The following CAMKK1 variants were observed in gnomAD, a reference collection of about 807,000 sequenced individuals.
CAMKK1 encodes the protein calcium/calmodulin-dependent protein kinase kinase 1.
In CAMKK1, 20 loss-of-function variants were observed where a neutral mutation model predicts 63.5. That is an observed-to-expected ratio of 0.32 (90% CI 0.22 to 0.46). The LOEUF is 0.46. Among genes scored for constraint, CAMKK1 ranks in the 20% least tolerant of loss-of-function variants. The probability of loss-of-function intolerance (pLI) is 1.00; values close to 1 mark genes in which losing one functional copy is unlikely to be tolerated. For synonymous variants in CAMKK1, 253 were observed against 269.0 expected (o/e 0.94, Z 0.58); for missense variants, 588 against 658.1 (o/e 0.89, Z 1.17).
intron 1 of CAMKK1, 60 bp from the exon 2 acceptor site, chr17:3,885,790 G>T (rs878918310): frequency 1.6e-5 from 25 of 1,533,174 alleles, no homozygotes; most frequent in Non-Finnish European, 1.8e-6. Context: ...ACCAGGTAAG[G>T]TAGCCACAGC....
At position 3,882,488 on chromosome 17, in the gene CAMKK1, C is replaced by A; in HGVS notation, c.685+40G>T. 1.2e-6 allele frequency: 2 copies of A among 1,600,246 alleles called. No individual in the cohort carries two copies. The highest frequency in any genetic ancestry group is 2.2e-5 in the South Asian group (2 of 89,648). ...TGTCCCAAGGGAGCCCTTGGGCCAG[C>A]CCTGAGTGAGCTGCTGTGGGAATGA... is the stretch of plus-strand genomic sequence containing the variant. On this transcript the variant is annotated intron_variant, in intron 7 of 15. Coordinates refer to ENST00000348335, the MANE Select transcript of CAMKK1 (RefSeq NM_032294.3). The surrounding 1 kb of genome is among the most constrained non-coding windows in gnomAD (Gnocchi z 4.3).
intron 13 of CAMKK1, 58 bp downstream of exon 13, chr17:3,869,743 G>T: frequency 6.2e-7 from 1 of 1,603,372 alleles, no homozygotes; most frequent in African/African-American, 1.3e-5. Flanking sequence ...CTCCAGAAAG[G>T]GAAAGTGACT....
rs548960205 is a variant in CAMKK1 at position 3,885,558 on chromosome 17, G to A, written c.130C>T (p.Pro44Ser). 1 of 1,613,896 alleles carries A rather than the reference G, an allele frequency of 6.2e-7. No homozygotes were observed. The highest frequency in any genetic ancestry group is 1.3e-5 in the African/African-American group (1 of 74,936). ...GPEPTRNGVD[P>S]PPRARAASVI... The stretch of plus-strand genomic sequence containing the variant: ...GAGGCAGCTCTGGCCCGTGGTGGGG[G>A]GTCCACACCGTTTCTAGTAGGCTCT... The change falls in exon 2 of 16, where the codon CCC (proline) becomes TCC (serine). Residue 44 changes from proline to serine, a missense_variant. Around this residue, in one of 3 missense-constraint regions of CAMKK1, gnomAD observed 357 missense variants for 407.4 expected, o/e 0.88. Transcript: ENST00000348335.
rs1226694627 is a variant in CAMKK1, at chr17:3,884,603, G to A, written c.361-176C>T. Among the ~76,000 whole-genome samples the A allele has an allele frequency of 1.3e-5, 2 of 152,238 alleles. No homozygotes were observed. The highest frequency in any genetic ancestry group is 4.8e-5 in the African/African-American group (2 of 41,454). On this transcript the variant is annotated intron_variant, in intron 2 of 15. Coordinates refer to ENST00000348335, the MANE Select transcript of CAMKK1 (RefSeq NM_032294.3). This position sits in a 1 kb window ranked among gnomAD's most constrained non-coding sequence, Gnocchi z 4.5. Reference sequence around the variant, plus strand: ...TGGTGGTGCCATCGCCCCCGTATGTGACGAGAAGACGTGGCTCATGTTTGA... The same window carrying A: ...TGGTGGTGCCATCGCCCCCGTATGTAACGAGAAGACGTGGCTCATGTTTGA...
chr17:3,887,948 G>A lies in CAMKK1; in HGVS notation c.-43-2218C>T, dbSNP rs2055728564. ...TGAGATTAGGACGCTCATCTGCCTT[G>A]TCTCCAAAAGATCATCAGTGCCTGG... On this transcript the variant is annotated intron_variant, in intron 1 of 15. Transcript: ENST00000348335. This position sits in a 1 kb window ranked among gnomAD's most constrained non-coding sequence, Gnocchi z 6.1. Among the ~76,000 whole-genome samples, 2 of 152,082 alleles carry A rather than the reference G, an allele frequency of 1.3e-5. No individual in the cohort carries two copies. The highest frequency in any genetic ancestry group is 4.1e-4 in the South Asian group (2 of 4,822).
chr17:3,876,564 G>A (rs1363211907), intron 9 of CAMKK1, 142 bp from the exon 10 acceptor site: 2 of 678,330 alleles, frequency 2.9e-6, no homozygotes, highest in African/African-American at 3.6e-5. Flanking sequence ...CTGGGAGGAG[G>A]ACGTCAGGGC....
In CAMKK1 at chr17:3,892,614, G is replaced by A. The variant is rs1321834098; in HGVS notation, c.-44+325C>T. Among the ~76,000 whole-genome samples the A allele has an allele frequency of 2.3e-4, 35 of 152,208 alleles. No homozygotes were observed. Among genetic ancestry groups the A allele is most frequent in the Admixed American group, 2.3e-3 (35 of 15,290 alleles). ...GCCGGGCCCACTCCGCACAGACGTG[G>A]CCTCCACCAGGAGCCGGGCGCGGGG... On this transcript the variant is annotated intron_variant, in intron 1 of 15. Coordinates refer to ENST00000348335, the MANE Select transcript of CAMKK1 (RefSeq NM_032294.3). The surrounding 1 kb of genome is among the most constrained non-coding windows in gnomAD (Gnocchi z 7.5).
chr17:3,891,106 G>C (rs986320703), intron 1 of CAMKK1, among the ~76,000 whole-genome samples: 6 of 132,282 alleles, frequency 4.5e-5, no homozygotes. Context: ...CTGGGGGCAA[G>C]GTTGGGGGGG....
At chr17:3,868,071 A>T (rs62070445) in intron 14 of CAMKK1, among the ~76,000 whole-genome samples, 43 of 8,984 alleles carry the variant, frequency 4.8e-3, no homozygotes, top group African/African-American at 0.019. Context: ...AAGCAGGCGC[A>T]GTCTAACTGA....
In CAMKK1 at chr17:3,863,634, C is replaced by T. The variant is rs189617083; in HGVS notation, c.1446-1351G>A. On this transcript the variant is annotated intron_variant, in intron 15 of 15. Coordinates refer to ENST00000348335, the MANE Select transcript of CAMKK1 (RefSeq NM_032294.3). ...CATGCCTGTAATCACCTGGCACTTT[C>T]GGAGGCCAAGGTGGGCAAATGGCTT... 1.1e-4 allele frequency among the ~76,000 whole-genome samples: 17 copies of T among 152,000 alleles called. 1 individual carries two copies. The Middle Eastern group carries it at 0.01, about 92-fold the overall frequency.
chr17:3,882,685 G>C lies in CAMKK1; in HGVS notation c.649-121C>G. On this transcript the variant is annotated intron_variant, in intron 6 of 15. Transcript: ENST00000348335. This position sits in a 1 kb window ranked among gnomAD's most constrained non-coding sequence, Gnocchi z 4.3. Reference sequence around the variant, plus strand: ...TATGCATGCAACCACCCCAGACAAGGAAGCAGGAAGTGTACAGGTGGTGCC... The same window carrying C: ...TATGCATGCAACCACCCCAGACAAGCAAGCAGGAAGTGTACAGGTGGTGCC... 1.0e-6 allele frequency: 1 copy of C among 957,278 alleles called. No individual in the cohort carries two copies. The highest frequency in any genetic ancestry group is 1.6e-6 in the Non-Finnish European group (1 of 618,248). The allele number at this position is 957,278 out of a possible 1,614,324, so 59.3% of individuals were successfully genotyped here. A position where few individuals can be genotyped will look rare whatever the true frequency, so the allele number is the denominator to read the frequency against.
rs186930574 is a variant in CAMKK1, at chr17:3,886,418, G to T, written c.-43-688C>A. The stretch of plus-strand genomic sequence containing the variant: ...AGGCCGAGGCAGGTGGATCACCTGA[G>T]GTCAGAAGTTCGAGACTAGCCTGGC... On this transcript the variant is annotated intron_variant, in intron 1 of 15. Transcript: ENST00000348335. Among the ~76,000 whole-genome samples the T allele has an allele frequency of 1.5e-3, 231 of 152,292 alleles. 1 individual carries two copies. Among genetic ancestry groups the T allele is most frequent in the African/African-American group, 5.1e-3 (212 of 41,548 alleles).
intron 14 of CAMKK1, among the ~76,000 whole-genome samples, chr17:3,866,626 C>T (rs1425370317): frequency 3.3e-5 from 5 of 152,264 alleles, no homozygotes; most frequent in Non-Finnish European, 5.9e-5. Flanking sequence ...TCCATCCATC[C>T]CGTCAACACT....
rs2054740863 is a variant in CAMKK1, at chr17:3,869,489, C to T, written c.1339G>A (p.Val447Met). The change falls in exon 14 of 16, where the codon GTG becomes ATG. Residue 447 changes from valine (V) to methionine (M), a missense_variant and splice_region_variant. Physicochemically the swap from Val to Met is conservative, Grantham distance 21 (BLOSUM62 1). This residue lies in a region of CAMKK1 where 226 missense variants were observed against 229.2 expected (regional missense o/e 0.99). Coordinates refer to ENST00000348335, the MANE Select transcript of CAMKK1 (RefSeq NM_032294.3). ...AGCATCTACCCCGGCTCTCTTACCACCGTGGTCCAGCTGGGGATGAGCCTG... is the reference window on the plus strand; with the variant it reads ...AGCATCTACCCCGGCTCTCTTACCATCGTGGTCCAGCTGGGGATGAGCCTG... ...SVRLIPSWTT[V>M]ILVKSMLRKR... 1.9e-6 allele frequency: 3 copies of T among 1,614,194 alleles called. No homozygotes were observed. Among genetic ancestry groups the T allele is most frequent in the African/African-American group, 2.7e-5 (2 of 75,060 alleles).
In CAMKK1 at chr17:3,883,943, G is replaced by C. The variant is rs767523549; in HGVS notation, c.409-6C>G. 6.2e-7 allele frequency: 1 copy of C among 1,613,338 alleles called. No homozygotes were observed. The highest frequency in any genetic ancestry group is 8.5e-7 in the Non-Finnish European group (1 of 1,179,924). On this transcript the variant is annotated splice_polypyrimidine_tract_variant and splice_region_variant and intron_variant, in intron 3 of 15. Coordinates refer to ENST00000348335, the MANE Select transcript of CAMKK1 (RefSeq NM_032294.3). This position sits in a 1 kb window ranked among gnomAD's most constrained non-coding sequence, Gnocchi z 4.7. Reference sequence around the variant, plus strand: ...CTCACCACACCGTAGGCACCCTGCAGATAGGCATCAGTCAGCCCCACCTGG... The same window carrying C: ...CTCACCACACCGTAGGCACCCTGCACATAGGCATCAGTCAGCCCCACCTGG...
Position 3,869,887 on chromosome 17 carries a change from G to T in CAMKK1, c.1126C>A (p.Pro376Thr). 6.2e-7 allele frequency: 1 copy of T among 1,613,998 alleles called. No homozygotes were observed. The highest frequency in any genetic ancestry group is 8.5e-7 in the Non-Finnish European group (1 of 1,179,840). The change falls in exon 13 of 16, where the codon CCA becomes ACA. Residue 376 changes from proline (P) to threonine (T), a missense_variant and splice_region_variant. Around this residue, in one of 3 missense-constraint regions of CAMKK1, gnomAD observed 226 missense variants for 229.2 expected, o/e 0.99. Coordinates refer to ENST00000348335, the MANE Select transcript of CAMKK1 (RefSeq NM_032294.3). ...TCCTTGAGCTCCTCGCTGATTTCTG[G>T]CCTGGAGAGGGCGAAGGAAGGAGAG... is the stretch of plus-strand genomic sequence containing the variant. ...KNEPVVFPEE[P>T]EISEELKDLI...
intron 1 of CAMKK1, among the ~76,000 whole-genome samples, chr17:3,888,450 G>T (rs1487554925): frequency 6.6e-6 from 1 of 152,214 alleles, no homozygotes; most frequent in Non-Finnish European, 1.5e-5. Context: ...ACCCTTTCCT[G>T]GCTGGGAGCC....
intron 15 of CAMKK1, among the ~76,000 whole-genome samples, chr17:3,864,850 C>T (rs952599606): frequency 2.6e-5 from 4 of 152,212 alleles, no homozygotes; most frequent in Non-Finnish European, 4.4e-5. Context: ...CGAGGGGTCC[C>T]GACCCTTCTG....
At position 3,876,343 on chromosome 17, in the gene CAMKK1, G is replaced by A. The variant is rs137879236; in HGVS notation, c.876C>T (p.Ala292=). The A allele has an allele frequency of 2.5e-4, 407 of 1,614,208 alleles. No individual in the cohort carries two copies. The African/African-American group carries it at 4.6e-3, about 18-fold the overall frequency. Residue 292 remains alanine, a synonymous_variant, in exon 10 of 16, where the codon GCC becomes GCT. Coordinates refer to ENST00000348335, the MANE Select transcript of CAMKK1 (RefSeq NM_032294.3). ...LLGDDGHVKI[A]DFGVSNQFEG... is the part of the protein sequence containing the mutation. ...CAAACTGGTTGCTGACGCCAAAGTC[G>A]GCGATCTTCACGTGCCCATCATCCC...
Sources: allele counts gnomAD v4.1 joint callset (sites outside exome capture counted in the v4.1 genomes callset), GRCh38; gene constraint gnomAD v4.1.1; regional missense constraint gnomAD v4.1.1; non-coding constraint Gnocchi (gnomAD v3.1); transcripts MANE v1.5; gene names NCBI Gene and HGNC (gene_info 2026-07-23, HGNC 2026-07-21).